Variants in PTPRE observed in about 807,000 individuals in gnomAD.
PTPRE encodes the protein receptor-type tyrosine-protein phosphatase epsilon.
A neutral mutation model predicts 102.0 loss-of-function variants in PTPRE; 51 were observed. The observed-to-expected ratio is 0.50, with a 90% CI of 0.40 to 0.63. The LOEUF is 0.63. Ranked by LOEUF, PTPRE falls within the 30% of genes least tolerant of loss-of-function variation. PTPRE has a pLI of 0.00. For missense variants in PTPRE, 752 were observed against 915.1 expected (o/e 0.82, Z 2.30); for synonymous variants, 345 against 348.2 (o/e 0.99, Z 0.10).
intron 2 of PTPRE, among the ~76,000 whole-genome samples, chr10:128,035,302 A>AG (rs1590085810): frequency 6.6e-6 from 1 of 152,176 alleles, no homozygotes; most frequent in East Asian, 1.9e-4. Flanking sequence ...CACACACAAA[A>AG]TATGTTATTT....
intron 2 of PTPRE, among the ~76,000 whole-genome samples, chr10:128,006,709 G>A (rs1854584557): frequency 6.6e-6 from 1 of 152,084 alleles, no homozygotes; most frequent in South Asian, 2.1e-4. Flanking sequence ...AAACATTTGG[G>A]GGGATAAAAG....
At chr10:127,998,725 G>A (rs1024696268) in intron 2 of PTPRE, 2 of 152,118 alleles carry the variant, frequency 1.3e-5, no homozygotes, top group African/African-American at 4.8e-5. Context: ...GGAGCTACTG[G>A]TGCACCTTTG....
intron 2 of PTPRE, among the ~76,000 whole-genome samples, chr10:128,014,309 G>A (rs956219598): frequency 6.6e-6 from 1 of 152,134 alleles, no homozygotes; most frequent in African/African-American, 2.4e-5. Context: ...TTGCAATTTG[G>A]GGTCAAATGT....
intron 1 of PTPRE, among the ~76,000 whole-genome samples, chr10:127,976,173 A>C (rs1851161623): frequency 6.6e-6 from 1 of 152,204 alleles, no homozygotes. Flanking sequence ...GACTGTCAGT[A>C]TCTGAGAAGT....
Position 128,047,797 on chromosome 10 carries a change from C to T in PTPRE, c.243C>T (p.Thr81=). 4 of 1,605,986 alleles carry T rather than the reference C, an allele frequency of 2.5e-6. No individual in the cohort carries two copies. Among genetic ancestry groups the T allele is most frequent in the Non-Finnish European group, 3.4e-6 (4 of 1,173,362 alleles). Residue 81 remains threonine, a synonymous_variant, in exon 5 of 21, where the codon ACC becomes ACT. Coordinates refer to ENST00000254667, the MANE Select transcript of PTPRE (RefSeq NM_006504.6). ...AGCAGAGGAAAGCTGTGGTCAGCAC[C>T]AGCGACAAGAAGATGCCCAACGGAA... The part of the protein sequence containing the change: ...FRKQRKAVVS[T]SDKKMPNGIL...
At chr10:128,058,166 G>A (rs1203636392) in intron 7 of PTPRE, among the ~76,000 whole-genome samples, 1 of 152,152 alleles carries the variant, frequency 6.6e-6, no homozygotes, top group East Asian at 1.9e-4. Flanking sequence ...CAGAATCATG[G>A]CCAAGTGTGG....
At chr10:128,033,002 TG>T (rs35233482) in intron 2 of PTPRE, among the ~76,000 whole-genome samples, 82,926 of 151,988 alleles carry the variant, frequency 0.55, 22,755 homozygotes, top group East Asian at 0.62. Flanking sequence ...TGGTATAATT[TG>T]TAATTTATAC....
In PTPRE at chr10:128,070,430, G is replaced by A. The variant is rs369301658; in HGVS notation, c.1273G>A (p.Gly425Arg). The change falls in exon 14 of 21, where the codon GGG becomes AGG. Residue 425 changes from glycine to arginine, a missense_variant. Physicochemically the swap from Gly to Arg is moderately radical, Grantham distance 125. Transcript: ENST00000254667. This position sits in a 1 kb window ranked among gnomAD's most constrained non-coding sequence, Gnocchi z 4.8. The part of the protein sequence containing the change: ...HGTTTHFDKI[G>R]LEEEFRKLTN... ...CACCACCACCCACTTCGACAAGATC[G>A]GGCTGGAGGAGGAGTTCAGGGTGAG... The A allele has an allele frequency of 1.5e-5, 24 of 1,613,862 alleles. No individual in the cohort carries two copies. Among genetic ancestry groups the A allele is most frequent in the Middle Eastern group, 1.6e-4 (1 of 6,082 alleles).
intron 2 of PTPRE, among the ~76,000 whole-genome samples, chr10:128,030,399 AAGAG>A (rs370282851): frequency 5.7e-4 from 80 of 139,680 alleles, no homozygotes; most frequent in African/African-American, 1.9e-3. Context: ...AGGGAGGGGA[AAGAG>A]AGAGAGAGAG....
chr10:127,986,003 A>C (rs1339240683), intron 2 of PTPRE, among the ~76,000 whole-genome samples: 2 of 152,106 alleles, frequency 1.3e-5, no homozygotes, highest in Non-Finnish European at 1.5e-5. Flanking sequence ...AGGCATGAGA[A>C]TTGCTTAAAC....
Position 127,907,422 on chromosome 10 carries a change from CT to C in PTPRE, c.-31+114del. On this transcript the variant is annotated intron_variant, in intron 1 of 20. Transcript: ENST00000254667. This position sits in a 1 kb window ranked among gnomAD's most constrained non-coding sequence, Gnocchi z 4.8. ...CCGCTGCCGCGGGAGGGAGGGGCCG[CT>C]CCGGGGCTCAGAGTCCGGACCCCGG... The C allele has an allele frequency of 1.2e-6, 1 of 822,078 alleles. No individual in the cohort carries two copies. Among genetic ancestry groups the C allele is most frequent in the Non-Finnish European group, 1.5e-6 (1 of 681,714 alleles). The allele number at this position is 822,078 out of a possible 1,614,324, so 50.9% of individuals were successfully genotyped here. A position where few individuals can be genotyped will look rare whatever the true frequency, so the allele number is the denominator to read the frequency against.
chr10:127,920,093 C>T (rs928256905), intron 1 of PTPRE, among the ~76,000 whole-genome samples: 1 of 152,090 alleles, frequency 6.6e-6, no homozygotes. Context: ...GTAACTGCTG[C>T]GAGTTTGTGG....
chr10:128,062,227 C>T (rs908606748), intron 9 of PTPRE, among the ~76,000 whole-genome samples: 1 of 152,206 alleles, frequency 6.6e-6, no homozygotes, highest in Admixed American at 6.5e-5. Context: ...GGAGCTGAAA[C>T]CAGATTCCTC....
intron 20 of PTPRE, among the ~76,000 whole-genome samples, chr10:128,081,341 A>G (rs1009449331): frequency 3.3e-5 from 5 of 152,270 alleles, no homozygotes; most frequent in Admixed American, 6.5e-5. Context: ...CCACAAGTAC[A>G]TCTGTTCTCC....
In PTPRE at chr10:128,008,556, G is replaced by A. The variant is rs1844707444; in HGVS notation, c.-8+26260G>A. ...TCTGGAGTTGGGGGTGGTATTTCCT[G>A]GGAGACAGCCAGCCTGGGCTAGTGG... is the stretch of plus-strand genomic sequence containing the variant. On this transcript the variant is annotated intron_variant, in intron 2 of 20. Coordinates refer to ENST00000254667, the MANE Select transcript of PTPRE (RefSeq NM_006504.6). This position sits in a 1 kb window ranked among gnomAD's most constrained non-coding sequence, Gnocchi z 4.0. Among the ~76,000 whole-genome samples, 1 of 152,184 alleles carries A rather than the reference G, an allele frequency of 6.6e-6. No individual in the cohort carries two copies. Among genetic ancestry groups the A allele is most frequent in the Admixed American group, 6.5e-5 (1 of 15,282 alleles).
intron 11 of PTPRE, among the ~76,000 whole-genome samples, chr10:128,067,129 G>A (rs571686692): frequency 8.5e-6 from 1 of 118,280 alleles, no homozygotes; most frequent in East Asian, 3.1e-4. Context: ...ATGCATGCAC[G>A]TTCACACACA....
At chr10:127,964,891 G>T (rs566475186) in intron 1 of PTPRE, 1 of 408,732 alleles carries the variant, frequency 2.4e-6, no homozygotes, top group Non-Finnish European at 4.9e-6. Flanking sequence ...TCCTGGTGTC[G>T]GCGTTCTGCT....
intron 3 of PTPRE, among the ~76,000 whole-genome samples, chr10:128,047,112 G>A (rs754088916): frequency 3.9e-5 from 6 of 152,222 alleles, no homozygotes; most frequent in East Asian, 1.9e-4. Context: ...CAGCCAGGCC[G>A]TGTGGGGGTC....
In PTPRE at chr10:127,930,077, A is replaced by T. The variant is rs570684112; in HGVS notation, c.-31+22768A>T. Among the ~76,000 whole-genome samples the T allele has an allele frequency of 1.8e-4, 27 of 151,714 alleles. No homozygotes were observed. The South Asian group carries it at 5.2e-3, about 29-fold the overall frequency. ...ATTCCATCTCAAAAAAAAAAAAAAA[A>T]AAAGAAAGAAAGAAAACAAAAGCAT... On this transcript the variant is annotated intron_variant, in intron 1 of 20. Transcript: ENST00000254667.
Sources: gnomAD v4.1 joint callset for allele counts (sites outside exome capture counted in the v4.1 genomes callset) on GRCh38, gnomAD v4.1.1 for gene constraint, Gnocchi (gnomAD v3.1) non-coding constraint, MANE v1.5 for transcripts, NCBI Gene and HGNC (gene_info 2026-07-23, HGNC 2026-07-21) for gene names.